Variants in ABCC10 observed in about 807,000 individuals in gnomAD.
ABCC10 encodes the protein ATP-binding cassette sub-family C member 10.
In ABCC10, 110 loss-of-function variants were observed where a neutral mutation model predicts 143.2. The observed-to-expected ratio is 0.77, with a 90% CI of 0.66 to 0.90. The LOEUF is 0.90. Ranked by LOEUF, ABCC10 falls within the 40% of genes least tolerant of loss-of-function variation. ABCC10 has a pLI of 0.00. For missense variants in ABCC10, 1,700 were observed against 1,900.5 expected (o/e 0.89, Z 1.96); for synonymous variants, 805 against 846.7 (o/e 0.95, Z 0.85).
At position 43,433,014 on chromosome 6, in the gene ABCC10, G is replaced by C. The variant is rs1478963703; in HGVS notation, c.1034G>C (p.Gly345Ala). Residue 345 changes from glycine to alanine, a missense_variant, in exon 3 of 22, where the codon GGG becomes GCG. By Grantham distance (60) the Gly-to-Ala change is moderately conservative. Coordinates refer to ENST00000372530, the MANE Select transcript of ABCC10 (RefSeq NM_001198934.2). ...VLGAVLQNQYGYEVYKVTLQA... is the reference protein window; with the variant it reads ...VLGAVLQNQYAYEVYKVTLQA... ...GGTGCTGTGCTGCAGAATCAGTATG[G>C]GTATGAGGTATATAAGGTAACACTT... The C allele has an allele frequency of 6.2e-7, 1 of 1,614,144 alleles. No individual in the cohort carries two copies.
chr6:43,444,832 C>T lies in ABCC10; in HGVS notation c.2734C>T (p.Gln912Ter). ...CTGGTGGCTCTCCCACTGGATCTCTCAGCTGAAGGCTGAGAATAGCTCCCA... is the reference window on the plus strand; with the variant it reads ...CTGGTGGCTCTCCCACTGGATCTCTTAGCTGAAGGCTGAGAATAGCTCCCA... The part of the protein sequence containing the change: ...ADWWLSHWIS[Q>*]LKAENSSQEA... The change falls in exon 13 of 22, where the codon CAG becomes TAG. Residue 912 changes from glutamine to a stop codon, truncating the protein, a stop_gained. Transcript: ENST00000372530. LOFTEE classifies it high-confidence loss of function. The T allele has an allele frequency of 6.2e-7, 1 of 1,612,966 alleles. No homozygotes were observed. Among genetic ancestry groups the T allele is most frequent in the Non-Finnish European group, 8.5e-7 (1 of 1,179,466 alleles).
chr6:43,444,660 G>T, intron 12 of ABCC10, 128 bp from the exon 13 acceptor site: 1 of 1,341,714 alleles, frequency 7.5e-7, no homozygotes, highest in South Asian at 1.4e-5. Context: ...GTGGCAGGGT[G>T]GGGAGGCCAG....
rs1781683116 is a variant in ABCC10 at position 43,436,139 on chromosome 6, T to C, written c.1767T>C (p.Asp589=). 2.5e-6 allele frequency: 4 copies of C among 1,613,964 alleles called. No individual in the cohort carries two copies. The highest frequency in any genetic ancestry group is 3.4e-6 in the Non-Finnish European group (4 of 1,180,004). The stretch of plus-strand genomic sequence containing the variant: ...AAATCAAGTGGCTTCTCTGTTCAGA[T>C]CCCCCTGCAGAGCCATCTACAGTAT... ...NHNPQAYYSP[D]PPAEPSTVLE... is the part of the protein sequence containing the mutation. Residue 589 remains aspartate (D), a splice_region_variant and synonymous_variant, in exon 6 of 22, where the codon GAT becomes GAC. Coordinates refer to ENST00000372530, the MANE Select transcript of ABCC10 (RefSeq NM_001198934.2).
At chr6:43,437,433 CAAAA>C (rs57827467) in intron 6 of ABCC10, among the ~76,000 whole-genome samples, 3 of 102,390 alleles carry the variant, frequency 2.9e-5, no homozygotes, top group African/African-American at 1.9e-4. Context: ...AACATATGAC[CAAAA>C]AAAAAAAAAA....
chr6:43,448,087 AGCGAAC>A, intron 18 of ABCC10, 150 bp downstream of exon 18: 2 of 1,260,084 alleles, frequency 1.6e-6, no homozygotes, highest in Non-Finnish European at 2.2e-6. Flanking sequence ...AGGCAAGGAC[AGCGAAC>A]TCCTAGTGCC....
intron 4 of ABCC10, chr6:43,435,210 C>G (rs1781558502): frequency 4.7e-6 from 1 of 212,106 alleles, no homozygotes; most frequent in African/African-American, 2.3e-5. Context: ...AAAAAAGACT[C>G]AAAATGAGCT....
intron 2 of ABCC10, among the ~76,000 whole-genome samples, chr6:43,430,248 G>A (rs1170859363): frequency 6.6e-6 from 1 of 151,838 alleles, no homozygotes; most frequent in Non-Finnish European, 1.5e-5. Context: ...GTGCCACCAT[G>A]CCTGGCCAGT....
chr6:43,435,561 G>GAGGAACATTGGAATTTCTAGGATTCTTTA (rs1245847537), intron 4 of ABCC10, among the ~76,000 whole-genome samples, 190 bp from the exon 5 acceptor site: 1 of 152,010 alleles, frequency 6.6e-6, no homozygotes, highest in African/African-American at 2.4e-5. Context: ...TGAATCCCTT[G>GAGGAACATTGGAATTTCTAGGATTCTTTA]AGGAACATTG....
At chr6:43,435,671 T>C (rs1218475138) in intron 4 of ABCC10, 80 bp from the exon 5 acceptor site, 1 of 1,519,638 alleles carries the variant, frequency 6.6e-7, no homozygotes, top group Non-Finnish European at 8.9e-7. Flanking sequence ...CTTCCCTCCG[T>C]AGACCTGTCC....
At chr6:43,430,454 T>A (rs1213720895) in intron 2 of ABCC10, among the ~76,000 whole-genome samples, 1 of 151,892 alleles carries the variant, frequency 6.6e-6, no homozygotes, top group Non-Finnish European at 1.5e-5. Context: ...ATAACTGTCA[T>A]CAGGTGGACT....
intron 4 of ABCC10, chr6:43,435,151 A>G (rs890936361): frequency 6.4e-6 from 2 of 311,356 alleles, no homozygotes; most frequent in East Asian, 6.1e-5. Context: ...GTATGATGCA[A>G]TCCTGGGTCT....
At chr6:43,449,067 G>A (rs1783458026) in intron 19 of ABCC10, 40 bp from the exon 20 acceptor site, 1 of 1,613,660 alleles carries the variant, frequency 6.2e-7, no homozygotes, top group African/African-American at 1.3e-5. Context: ...AAGGGAGCAG[G>A]GATGGCCTGG....
At position 43,444,835 on chromosome 6, in the gene ABCC10, C is replaced by T; in HGVS notation, c.2737C>T (p.Leu913=). The T allele has an allele frequency of 1.2e-6, 2 of 1,613,498 alleles. No homozygotes were observed. The highest frequency in any genetic ancestry group is 2.2e-5 in the South Asian group (2 of 91,010). Residue 913 remains leucine, a synonymous_variant, in exon 13 of 22, where the codon CTG becomes TTG. Coordinates refer to ENST00000372530, the MANE Select transcript of ABCC10 (RefSeq NM_001198934.2). ...DWWLSHWISQ[L]KAENSSQEAQ... ...GTGGCTCTCCCACTGGATCTCTCAG[C>T]TGAAGGCTGAGAATAGCTCCCAGGA...
intron 9 of ABCC10, among the ~76,000 whole-genome samples, chr6:43,442,282 A>C (rs1782553100): frequency 6.6e-6 from 1 of 152,130 alleles, no homozygotes. Flanking sequence ...CTGTCTCTAC[A>C]AAAAATAATT....
rs760044039 is a variant in ABCC10 at position 43,432,949 on chromosome 6, C to A, written c.969C>A (p.Gly323=). 2.5e-6 allele frequency: 4 copies of A among 1,614,036 alleles called. No individual in the cohort carries two copies. The highest frequency in any genetic ancestry group is 2.2e-5 in the South Asian group (2 of 91,092). Residue 323 remains glycine (G), a synonymous_variant, in exon 3 of 22, where the codon GGC becomes GGA. Coordinates refer to ENST00000372530, the MANE Select transcript of ABCC10 (RefSeq NM_001198934.2). The part of the protein sequence containing the change: ...LEEGQEPLSH[G]LLYALGLAGG... ...AGGGGCAGGAGCCACTAAGCCACGG[C>A]CTGCTCTATGCTCTGGGGCTAGCCG...
In ABCC10 at chr6:43,432,233, C is replaced by T; in HGVS notation, c.253C>T (p.Leu85Phe). 3 of 1,614,266 alleles carry T rather than the reference C, an allele frequency of 1.9e-6. No homozygotes were observed. The highest frequency in any genetic ancestry group is 2.5e-6 in the Non-Finnish European group (3 of 1,180,040). Residue 85 changes from leucine (L) to phenylalanine (F), a missense_variant, in exon 3 of 22, where the codon CTT becomes TTT. Physicochemically the swap from Leu to Phe is conservative, Grantham distance 22. Coordinates refer to ENST00000372530, the MANE Select transcript of ABCC10 (RefSeq NM_001198934.2). ...LLSVFPLLDLLPVALPPGAGP... is the reference protein window; with the variant it reads ...LLSVFPLLDLFPVALPPGAGP... ...TTCCGTCTTCCCGCTGCTAGACCTT[C>T]TTCCAGTTGCTTTGCCACCAGGGGC...
intron 8 of ABCC10, among the ~76,000 whole-genome samples, chr6:43,441,375 C>A (rs1269447464): frequency 2.0e-5 from 3 of 151,836 alleles, no homozygotes; most frequent in African/African-American, 7.3e-5. Context: ...ACTCGAGAGG[C>A]TGAGGCAGGA....
Position 43,436,674 on chromosome 6 carries a change from C to T in ABCC10, c.1875+427C>T, listed in dbSNP as rs1017825639. 3.3e-5 allele frequency among the ~76,000 whole-genome samples: 5 copies of T among 152,220 alleles called. No individual in the cohort carries two copies. In the East Asian group the frequency reaches 9.6e-4, roughly 29 times the overall value. On this transcript the variant is annotated intron_variant, in intron 6 of 21. Coordinates refer to ENST00000372530, the MANE Select transcript of ABCC10 (RefSeq NM_001198934.2). ...TGAAAAGCAATCACACCCTGTGACT[C>T]ATGCTACAGCATACAAAGAACTTAA... is the stretch of plus-strand genomic sequence containing the variant.
chr6:43,450,741 G>A, downstream of ABCC10: 2 of 1,614,218 alleles, frequency 1.2e-6, no homozygotes, highest in Non-Finnish European at 1.7e-6. The surrounding 1 kb of genome is among the most constrained non-coding windows in gnomAD (Gnocchi z 4.5). Flanking sequence ...CAGGGCAGCA[G>A]TGAGGGCCCC....
Sources: allele counts gnomAD v4.1 joint callset (sites outside exome capture counted in the v4.1 genomes callset), GRCh38; gene constraint gnomAD v4.1.1; non-coding constraint Gnocchi (gnomAD v3.1); transcripts MANE v1.5; gene names NCBI Gene and HGNC (gene_info 2026-07-23, HGNC 2026-07-21).